The following RANBP17 variants were observed in gnomAD, a reference collection of about 807,000 sequenced individuals.
RANBP17 encodes ran-binding protein 17.
RANBP17 carries 158 observed loss-of-function variants against 141.2 expected under a neutral mutation model. The ratio of observed to expected loss-of-function variants is 1.12; its 90% CI spans 0.98 to 1.28. RANBP17 has a LOEUF of 1.28. RANBP17 is among the 50% of genes most tolerant of loss of function. The pLI is 0.00. For missense variants in RANBP17, 1,438 were observed against 1,290.7 expected, an observed-to-expected ratio of 1.11 and a Z score of -1.75; for synonymous variants, 430 against 450.0, an observed-to-expected ratio of 0.96 and a Z score of 0.56.
intron 22 of RANBP17, among the ~76,000 whole-genome samples, chr5:171,233,904 T>C (rs1393134792): frequency 6.6e-6 from 1 of 152,190 alleles, no homozygotes; most frequent in Non-Finnish European, 1.5e-5. Context: ...GATAATGATA[T>C]GTCAATATAG....
chr5:171,032,590 A>G (rs1487642659), intron 14 of RANBP17, among the ~76,000 whole-genome samples: 2 of 152,138 alleles, frequency 1.3e-5, no homozygotes, highest in Non-Finnish European at 2.9e-5. Context: ...TGAAATATAG[A>G]GGTTGTTAGT....
intron 14 of RANBP17, among the ~76,000 whole-genome samples, chr5:171,105,552 A>G (rs1754765288): frequency 6.6e-6 from 1 of 151,854 alleles, no homozygotes; most frequent in Non-Finnish European, 1.5e-5. Context: ...ATATACATAT[A>G]TTTTTAAAAG....
intron 16 of RANBP17, among the ~76,000 whole-genome samples, chr5:171,175,763 A>G (rs916400063): frequency 4.6e-5 from 7 of 151,986 alleles, no homozygotes; most frequent in African/African-American, 9.7e-5. Context: ...ATCAGACTCT[A>G]TAAGAGAGTT....
intron 16 of RANBP17, among the ~76,000 whole-genome samples, chr5:171,174,262 T>G (rs1019533611): frequency 1.3e-5 from 2 of 152,154 alleles, no homozygotes; most frequent in African/African-American, 2.4e-5. Flanking sequence ...CTGAAGTAGC[T>G]TTTTTGAACA....
intron 27 of RANBP17, among the ~76,000 whole-genome samples, chr5:171,297,303 T>G (rs558538481): frequency 1.1e-4 from 16 of 152,324 alleles, no homozygotes; most frequent in Middle Eastern, 3.4e-3. Context: ...ACCAATTATT[T>G]AAGGTTCCTC....
chr5:171,102,178 G>A (rs1581639213), intron 14 of RANBP17, among the ~76,000 whole-genome samples: 2 of 152,158 alleles, frequency 1.3e-5, no homozygotes, highest in African/African-American at 2.4e-5. Flanking sequence ...ATAATATCCT[G>A]AAGTGTGTTT....
intron 25 of RANBP17, among the ~76,000 whole-genome samples, chr5:171,268,847 C>T (rs1766914809): frequency 6.6e-6 from 1 of 152,056 alleles, no homozygotes; most frequent in East Asian, 1.9e-4. Flanking sequence ...AGGCTATGGC[C>T]CTAGACAAAA....
chr5:170,898,833 T>C lies in RANBP17; in HGVS notation c.489+2718T>C, dbSNP rs546346485. Among the ~76,000 whole-genome samples the C allele has an allele frequency of 1.7e-4, 26 of 152,328 alleles. No homozygotes were observed. In the East Asian group the frequency reaches 4.6e-3, roughly 27 times the overall value. On this transcript the variant is annotated intron_variant, in intron 5 of 27. Transcript: ENST00000523189. ...TTGTCAAAAATCAGATGGTTGTAGATGTAGAGCATTATTTCTGAGGCCTCT... is the reference window on the plus strand; with the variant it reads ...TTGTCAAAAATCAGATGGTTGTAGACGTAGAGCATTATTTCTGAGGCCTCT...
At chr5:170,886,495 C>T (rs1204460869) in intron 3 of RANBP17, among the ~76,000 whole-genome samples, 1 of 152,052 alleles carries the variant, frequency 6.6e-6, no homozygotes, top group Non-Finnish European at 1.5e-5. Flanking sequence ...GGAACATGTA[C>T]AATCTAAGCG....
chr5:170,946,482 T>G (rs1354857705), intron 12 of RANBP17, among the ~76,000 whole-genome samples: 1 of 152,156 alleles, frequency 6.6e-6, no homozygotes, highest in Non-Finnish European at 1.5e-5. Context: ...TAGCGACCTC[T>G]GTAAAATTCT....
intron 14 of RANBP17, among the ~76,000 whole-genome samples, chr5:171,013,667 A>G (rs937536970): frequency 2.0e-5 from 3 of 152,012 alleles, no homozygotes. Context: ...TGTAGCTTCT[A>G]ATAAGTCTTG....
intron 24 of RANBP17, among the ~76,000 whole-genome samples, chr5:171,246,568 A>G (rs1320687203): frequency 6.6e-6 from 1 of 152,204 alleles, no homozygotes; most frequent in Non-Finnish European, 1.5e-5. Context: ...ATGGAATAAG[A>G]AGAAATTCTG....
At chr5:170,945,325 A>G (rs1369994826) in intron 12 of RANBP17, among the ~76,000 whole-genome samples, 1 of 152,212 alleles carries the variant, frequency 6.6e-6, no homozygotes. Context: ...CATGGATGTT[A>G]CATATTGGTA....
intron 14 of RANBP17, among the ~76,000 whole-genome samples, chr5:171,060,526 G>A (rs1051587082): frequency 2.6e-5 from 4 of 152,136 alleles, no homozygotes; most frequent in African/African-American, 9.7e-5. Context: ...CTTGATCATG[G>A]TGGATAAGCT....
chr5:171,045,827 T>C (rs945344293), intron 14 of RANBP17, among the ~76,000 whole-genome samples: 1 of 152,062 alleles, frequency 6.6e-6, no homozygotes, highest in African/African-American at 2.4e-5. Context: ...GATAAATAAA[T>C]AAACAAACAA....
At chr5:171,009,444 G>A (rs375189119) in intron 14 of RANBP17, among the ~76,000 whole-genome samples, 11 of 152,050 alleles carry the variant, frequency 7.2e-5, no homozygotes, top group East Asian at 5.8e-4. Flanking sequence ...GTATAAATGG[G>A]TCTTAGGACC....
At chr5:171,252,661 C>G in intron 24 of RANBP17, 2 of 1,405,220 alleles carry the variant, frequency 1.4e-6, no homozygotes, top group Non-Finnish European at 2.0e-6. Flanking sequence ...TCCTTTAAAA[C>G]TTAGTCTATT....
intron 22 of RANBP17, among the ~76,000 whole-genome samples, chr5:171,222,610 T>C (rs543260366): frequency 2.0e-5 from 3 of 152,282 alleles, no homozygotes; most frequent in Non-Finnish European, 2.9e-5. Context: ...TAAGTAAATT[T>C]AGTCTGTAAA....
chr5:171,131,086 T>C (rs1028458066), intron 14 of RANBP17, among the ~76,000 whole-genome samples: 2 of 152,196 alleles, frequency 1.3e-5, no homozygotes, highest in African/African-American at 2.4e-5. Flanking sequence ...CTTAGTAGCC[T>C]TTGGGCGAAT....
Sources: allele counts gnomAD v4.1 joint callset (sites outside exome capture counted in the v4.1 genomes callset), GRCh38; gene constraint gnomAD v4.1.1; transcripts MANE v1.5; gene names NCBI Gene and HGNC (gene_info 2026-07-23, HGNC 2026-07-21).